Variants in PTPRM observed in about 807,000 individuals in gnomAD.
The protein encoded by PTPRM is protein tyrosine phosphatase receptor type M.
Under a neutral mutation model 186.7 loss-of-function variants are expected in PTPRM, and 47 were observed. That is an observed-to-expected ratio of 0.25 (90% CI 0.20 to 0.32). The LOEUF (loss-of-function observed/expected upper bound fraction) is 0.32. PTPRM is among the 10% of genes least tolerant of loss of function. The pLI, the probability that PTPRM is intolerant of heterozygous loss-of-function variation, is 1.00. For missense variants in PTPRM, 1,494 were observed against 1,865.0 expected (o/e 0.80, Z 3.66); for synonymous variants, 668 against 674.9 (o/e 0.99, Z 0.16).
intron 17 of PTPRM, among the ~76,000 whole-genome samples, chr18:8,249,981 T>A (rs2094512761): frequency 6.6e-6 from 1 of 152,228 alleles, no homozygotes; most frequent in Non-Finnish European, 1.5e-5. Context: ...TAACAAGGAT[T>A]GGTGAGGTTA....
intron 1 of PTPRM, among the ~76,000 whole-genome samples, chr18:7,767,592 C>T (rs1446082): frequency 0.029 from 4,459 of 152,212 alleles, 215 homozygotes; most frequent in African/African-American, 0.1. Flanking sequence ...GAATCATCCT[C>T]AGCTGTTCCA....
chr18:8,178,305 T>G (rs760864966), intron 14 of PTPRM, among the ~76,000 whole-genome samples: 3 of 152,220 alleles, frequency 2.0e-5, no homozygotes, highest in Non-Finnish European at 2.9e-5. Context: ...ACTAGAATCT[T>G]TTAACAGGTT....
intron 32 of PTPRM, among the ~76,000 whole-genome samples, chr18:8,405,404 G>T (rs638932): frequency 6.6e-6 from 1 of 151,900 alleles, no homozygotes; most frequent in Non-Finnish European, 1.5e-5. Flanking sequence ...AGCCAGGACC[G>T]TCCAGGGCAA....
At chr18:7,926,515 T>C in intron 4 of PTPRM, 53 bp from the exon 5 acceptor site, 2 of 1,394,112 alleles carry the variant, frequency 1.4e-6, no homozygotes, top group East Asian at 2.4e-5. Flanking sequence ...AGAAGACATA[T>C]ATTAGTTACA....
chr18:7,597,672 A>T (rs1033382221), intron 1 of PTPRM, among the ~76,000 whole-genome samples: 2 of 152,218 alleles, frequency 1.3e-5, no homozygotes, highest in Non-Finnish European at 1.5e-5. Flanking sequence ...GGCAGGAATC[A>T]TGAAGTGGAT....
intron 7 of PTPRM, among the ~76,000 whole-genome samples, chr18:8,056,851 C>A (rs966386602): frequency 3.3e-5 from 5 of 151,714 alleles, no homozygotes; most frequent in African/African-American, 1.2e-4. Flanking sequence ...TACAAGTCAG[C>A]AGTCTTACTT....
chr18:7,829,119 C>G (rs1203496964), intron 2 of PTPRM, among the ~76,000 whole-genome samples: 1 of 152,036 alleles, frequency 6.6e-6, no homozygotes, highest in African/African-American at 2.4e-5. Flanking sequence ...TCATTTTTAT[C>G]TTAAATGATG....
chr18:8,375,768 A>G (rs771284514), intron 24 of PTPRM, among the ~76,000 whole-genome samples: 2 of 152,224 alleles, frequency 1.3e-5, no homozygotes, highest in Non-Finnish European at 2.9e-5. Context: ...GGAATTTCAA[A>G]CAACCCAACC....
At chr18:7,651,417 C>G (rs1379679063) in intron 1 of PTPRM, among the ~76,000 whole-genome samples, 1 of 151,818 alleles carries the variant, frequency 6.6e-6, no homozygotes, top group African/African-American at 2.4e-5. Context: ...GGGTTCATAC[C>G]CACCAAAAAA....
intron 23 of PTPRM, 39 bp downstream of exon 23, chr18:8,343,559 T>G (rs1385193684): frequency 6.3e-7 from 1 of 1,584,794 alleles, no homozygotes; most frequent in Non-Finnish European, 8.7e-7. Flanking sequence ...ATTTTGTTCC[T>G]TGCTTAGTTG....
intron 5 of PTPRM, among the ~76,000 whole-genome samples, chr18:7,947,210 G>A (rs531539640): frequency 6.6e-6 from 1 of 152,282 alleles, no homozygotes; most frequent in Admixed American, 6.5e-5. Flanking sequence ...GCGCTTGGGC[G>A]GGGCTGCATG....
intron 14 of PTPRM, among the ~76,000 whole-genome samples, chr18:8,239,237 T>C (rs912510997): frequency 6.2e-5 from 9 of 145,622 alleles, no homozygotes; most frequent in Admixed American, 3.6e-4. Context: ...TGAGTGAGAA[T>C]ATGCGGTGTT....
intron 1 of PTPRM, among the ~76,000 whole-genome samples, chr18:7,658,586 G>T (rs1377504112): frequency 6.6e-6 from 1 of 151,922 alleles, no homozygotes; most frequent in Non-Finnish European, 1.5e-5. Flanking sequence ...TCCTTGTAAA[G>T]ACGTTTTATT....
chr18:7,615,127 A>T (rs999472271), intron 1 of PTPRM, among the ~76,000 whole-genome samples: 8 of 152,168 alleles, frequency 5.3e-5, no homozygotes, highest in Non-Finnish European at 1.2e-4. Flanking sequence ...TTGTTGCTTA[A>T]CTCTGATAAT....
chr18:7,886,786 G>C lies in PTPRM; in HGVS notation c.197-1320G>C, dbSNP rs542569563. On this transcript the variant is annotated intron_variant, in intron 2 of 32. Transcript: ENST00000580170. Reference sequence around the variant, plus strand: ...ATAGCTGTAAAGGTAGCAACCATAAGAAAGCATATGATAATATAGATCCTT... The same window carrying C: ...ATAGCTGTAAAGGTAGCAACCATAACAAAGCATATGATAATATAGATCCTT... Among the ~76,000 whole-genome samples the C allele has an allele frequency of 3.9e-5, 6 of 152,276 alleles. No homozygotes were observed. The East Asian group carries it at 5.8e-4, about 15-fold the overall frequency.
chr18:7,620,302 C>T (rs1379977139), intron 1 of PTPRM, among the ~76,000 whole-genome samples: 4 of 152,078 alleles, frequency 2.6e-5, no homozygotes, highest in African/African-American at 4.8e-5. Context: ...TGCTTCTACC[C>T]GCTAAGTCTG....
chr18:7,610,091 G>T (rs1346989715), intron 1 of PTPRM, among the ~76,000 whole-genome samples: 1 of 152,114 alleles, frequency 6.6e-6, no homozygotes, highest in Non-Finnish European at 1.5e-5. Context: ...ACACCTATTG[G>T]GCATTTTGAA....
chr18:7,887,650 T>C (rs1255994405), intron 2 of PTPRM, among the ~76,000 whole-genome samples: 1 of 152,220 alleles, frequency 6.6e-6, no homozygotes, highest in East Asian at 1.9e-4. Context: ...AGTAGAACTT[T>C]CTGCTGGATG....
Position 7,568,575 on chromosome 18 carries a change from G to C in PTPRM, c.73+684G>C, listed in dbSNP as rs2036491811. On this transcript the variant is annotated intron_variant, in intron 1 of 32. Coordinates refer to ENST00000580170, the MANE Select transcript of PTPRM (RefSeq NM_001105244.2). This position sits in a 1 kb window ranked among gnomAD's most constrained non-coding sequence, Gnocchi z 5.1. The stretch of plus-strand genomic sequence containing the variant: ...CCCCAGGCCCTGGCCACGGCCCTGC[G>C]CCCCGCTGGGCTCCCCCTCCCCACC... 6.6e-6 allele frequency among the ~76,000 whole-genome samples: 1 copy of C among 152,132 alleles called. No individual in the cohort carries two copies. Among genetic ancestry groups the C allele is most frequent in the South Asian group, 2.1e-4 (1 of 4,832 alleles).
Sources: allele counts gnomAD v4.1 joint callset (sites outside exome capture counted in the v4.1 genomes callset), GRCh38; gene constraint gnomAD v4.1.1; non-coding constraint Gnocchi (gnomAD v3.1); transcripts MANE v1.5; gene names NCBI Gene and HGNC (gene_info 2026-07-23, HGNC 2026-07-21).